Variants in MAK16 observed in about 807,000 individuals in gnomAD.
MAK16 encodes MAK16 homolog.
MAK16 carries 12 observed loss-of-function variants against 49.9 expected under a neutral mutation model. That is an observed-to-expected ratio of 0.24 (90% CI 0.15 to 0.39). The LOEUF is 0.39. Among genes scored for constraint, MAK16 ranks in the 10% least tolerant of loss-of-function variants. The probability of loss-of-function intolerance (pLI) is 1.00; values close to 1 mark genes in which losing one functional copy is unlikely to be tolerated. For synonymous variants in MAK16, 115 were observed against 126.4 expected (o/e 0.91, Z 0.60); for missense variants, 292 against 363.7 (o/e 0.80, Z 1.60).
intron 1 of MAK16, among the ~76,000 whole-genome samples, chr8:33,488,109 A>G (rs1335255937): frequency 6.6e-6 from 1 of 152,058 alleles, no homozygotes; most frequent in Non-Finnish European, 1.5e-5. Flanking sequence ...TGTATTTTTA[A>G]TATAAACAGG....
Position 33,498,947 on chromosome 8 carries a change from C to G in MAK16, c.*318C>G, listed in dbSNP as rs1041642470. 1.0e-5 allele frequency: 6 copies of G among 587,464 alleles called. No homozygotes were observed. In the East Asian group the frequency reaches 1.4e-4, roughly 14 times the overall value. 36.4% of individuals were successfully genotyped at this position (587,464 alleles called of 1,614,324 possible). ...TTTCTAAATTTTAAATGCTACATTA[C>G]TTGGTGTCCTTTTTTCTCCCAAACT... On this transcript the variant is annotated 3_prime_UTR_variant, in exon 10 of 10. Transcript: ENST00000360128.
chr8:33,493,061 TA>T, intron 6 of MAK16, among the ~76,000 whole-genome samples: 1 of 152,268 alleles, frequency 6.6e-6, no homozygotes, highest in East Asian at 1.9e-4. Context: ...CTGTCCCCAT[TA>T]ATCACAGTTA....
chr8:33,498,654 G>A lies in MAK16; in HGVS notation c.*25G>A. 6.4e-7 allele frequency: 1 copy of A among 1,572,884 alleles called. No individual in the cohort carries two copies. The highest frequency in any genetic ancestry group is 8.7e-7 in the Non-Finnish European group (1 of 1,153,910). On this transcript the variant is annotated 3_prime_UTR_variant, in exon 10 of 10. Coordinates refer to ENST00000360128, the MANE Select transcript of MAK16 (RefSeq NM_032509.4). ...ATTTCCCTTTCAGCATTTATACCCAGGACTGAACATGCAGAACTGTTTTTT... is the reference window on the plus strand; with the variant it reads ...ATTTCCCTTTCAGCATTTATACCCAAGACTGAACATGCAGAACTGTTTTTT...
At chr8:33,490,697 C>T (rs1808763781) in intron 6 of MAK16, among the ~76,000 whole-genome samples, 2 of 152,138 alleles carry the variant, frequency 1.3e-5, no homozygotes, top group African/African-American at 4.8e-5. Context: ...GGAATTTCTG[C>T]AGTGAAATAC....
At chr8:33,485,259 C>T in intron 1 of MAK16, 38 bp downstream of exon 1, 7 of 1,614,076 alleles carry the variant, frequency 4.3e-6, no homozygotes, top group East Asian at 2.2e-5. Flanking sequence ...CCGGGGTTTG[C>T]GCAGGGAATT....
rs1808934540 is a variant in MAK16 at position 33,498,663 on chromosome 8, A to G, written c.*34A>G. 2.1e-6 allele frequency: 3 copies of G among 1,453,716 alleles called. No individual in the cohort carries two copies. Among genetic ancestry groups the G allele is most frequent in the Non-Finnish European group, 2.8e-6 (3 of 1,063,058 alleles). The allele number at this position is 1,453,716 out of a possible 1,614,324, so 90.1% of individuals were successfully genotyped here. A position where few individuals can be genotyped will look rare whatever the true frequency, so the allele number is the denominator to read the frequency against. The stretch of plus-strand genomic sequence containing the variant: ...TCAGCATTTATACCCAGGACTGAAC[A>G]TGCAGAACTGTTTTTTTTTTTTTTT... On this transcript the variant is annotated 3_prime_UTR_variant, in exon 10 of 10. Transcript: ENST00000360128.
Position 33,500,747 on chromosome 8 carries a change from C to T in MAK16, c.*2118C>T, listed in dbSNP as rs1055338195. ...CTCTCTTCCTTCCAGAAGCTTGGTT[C>T]TACTGTAAGCAACAGCTCCTTCATG... On this transcript the variant is annotated 3_prime_UTR_variant, in exon 10 of 10. Coordinates refer to ENST00000360128, the MANE Select transcript of MAK16 (RefSeq NM_032509.4). The T allele has an allele frequency of 2.3e-6, 1 of 433,932 alleles. No individual in the cohort carries two copies. The highest frequency in any genetic ancestry group is 2.0e-5 in the African/African-American group (1 of 49,772). 26.9% of individuals were successfully genotyped at this position (433,932 alleles called of 1,614,324 possible).
intron 9 of MAK16, among the ~76,000 whole-genome samples, chr8:33,497,931 A>G (rs540291838): frequency 1.3e-5 from 2 of 151,842 alleles, no homozygotes; most frequent in South Asian, 4.2e-4. Flanking sequence ...CCCCGTGTCT[A>G]CTAAAAATAC....
At position 33,496,674 on chromosome 8, in the gene MAK16, A is replaced by G; in HGVS notation, c.572A>G (p.Glu191Gly). The G allele has an allele frequency of 6.2e-7, 1 of 1,613,726 alleles. No homozygotes were observed. The highest frequency in any genetic ancestry group is 8.5e-7 in the Non-Finnish European group (1 of 1,179,834). The change falls in exon 8 of 10, where the codon GAA (glutamate) becomes GGA (glycine). Residue 191 changes from glutamate (E) to glycine (G), a missense_variant. Physicochemically the swap from Glu to Gly is moderately conservative, Grantham distance 98 (BLOSUM62 -2). Coordinates refer to ENST00000360128, the MANE Select transcript of MAK16 (RefSeq NM_032509.4). Reference sequence around the variant, plus strand: ...ATTCATGCCTTCGACAAAGCCCTGGAACAACAGGAGGCAGAGAGTGACTCT... The same window carrying G: ...ATTCATGCCTTCGACAAAGCCCTGGGACAACAGGAGGCAGAGAGTGACTCT... Reference protein sequence around the residue: ...FPIHAFDKALEQQEAESDSSD... With the variant: ...FPIHAFDKALGQQEAESDSSD...
chr8:33,496,493 T>G (rs996612813), intron 7 of MAK16, 132 bp from the exon 8 acceptor site: 2 of 621,604 alleles, frequency 3.2e-6, no homozygotes, highest in African/African-American at 3.7e-5. Flanking sequence ...GCTCTACACT[T>G]AAAAATATTA....
At chr8:33,485,486 T>G in intron 1 of MAK16, 1 of 530,344 alleles carries the variant, frequency 1.9e-6, no homozygotes, top group Non-Finnish European at 3.4e-6. Flanking sequence ...TGCCTACCAA[T>G]GCAGGACGTC....
chr8:33,490,163 C>G (rs1808754617), intron 5 of MAK16, 122 bp from the exon 6 acceptor site: 1 of 737,838 alleles, frequency 1.4e-6, no homozygotes, highest in Admixed American at 2.8e-5. Flanking sequence ...GCTCAGCCAT[C>G]CTGCCCTGCA....
At chr8:33,488,682 A>G in intron 3 of MAK16, 52 bp from the exon 4 acceptor site, 9 of 1,611,580 alleles carry the variant, frequency 5.6e-6, no homozygotes, top group Non-Finnish European at 7.6e-6. Context: ...TTTTACAGGG[A>G]TGTTCTTTAG....
At chr8:33,493,613 T>G (rs969662582) in intron 6 of MAK16, among the ~76,000 whole-genome samples, 1 of 152,228 alleles carries the variant, frequency 6.6e-6, no homozygotes, top group South Asian at 2.1e-4. Flanking sequence ...TCAAGTACTT[T>G]AATTTTTCAT....
Position 33,488,506 on chromosome 8 carries a change from T to C in MAK16, c.66-14T>C, listed in dbSNP as rs1185483084. On this transcript the variant is annotated splice_polypyrimidine_tract_variant and intron_variant, in intron 2 of 9. Transcript: ENST00000360128. ...ACCCATTTTATAATCTTTGTTTCTT[T>C]TCTCCCATTCTAGAACCAAGACTCA... 1 of 1,613,944 alleles carries C rather than the reference T, an allele frequency of 6.2e-7. No homozygotes were observed. The highest frequency in any genetic ancestry group is 2.2e-5 in the East Asian group (1 of 44,894).
At chr8:33,486,997 C>T (rs192638553) in intron 1 of MAK16, among the ~76,000 whole-genome samples, 1 of 152,294 alleles carries the variant, frequency 6.6e-6, no homozygotes, top group East Asian at 1.9e-4. Flanking sequence ...TCCTACCATC[C>T]CCCACCAGAC....
chr8:33,495,450 T>G, intron 6 of MAK16, 92 bp from the exon 7 acceptor site: 1 of 1,067,362 alleles, frequency 9.4e-7, no homozygotes, highest in Non-Finnish European at 1.4e-6. Flanking sequence ...TACATTGTCT[T>G]TCTTATAAAC....
intron 1 of MAK16, among the ~76,000 whole-genome samples, chr8:33,488,166 G>C (rs180906905): frequency 5.1e-4 from 77 of 152,196 alleles, no homozygotes; most frequent in African/African-American, 1.8e-3. Context: ...CACCTCAGGT[G>C]ATCCGCCCAA....
intron 6 of MAK16, among the ~76,000 whole-genome samples, chr8:33,493,998 A>T (rs1486843444): frequency 7.4e-6 from 1 of 135,916 alleles, no homozygotes; most frequent in Non-Finnish European, 1.6e-5. Context: ...GATTAAGCGT[A>T]TTTATTTTTA....
Sources: gnomAD v4.1 joint callset for allele counts (sites outside exome capture counted in the v4.1 genomes callset) on GRCh38, gnomAD v4.1.1 for gene constraint, MANE v1.5 for transcripts, NCBI Gene and HGNC (gene_info 2026-07-23, HGNC 2026-07-21) for gene names.